The following ZNF346 variants were observed in gnomAD, a reference collection of about 807,000 sequenced individuals.
ZNF346 encodes double-stranded RNA-binding zinc finger protein JAZ.
ZNF346 carries 23 observed loss-of-function variants against 33.7 expected under a neutral mutation model. That is an observed-to-expected ratio of 0.68 (90% CI 0.49 to 0.97). The LOEUF is 0.97. ZNF346 is among the 50% of genes least tolerant of loss of function. The pLI is 0.00. For missense variants in ZNF346, 340 were observed against 371.1 expected (o/e 0.92, Z 0.69); for synonymous variants, 134 against 142.4 (o/e 0.94, Z 0.42).
At chr5:177,075,653 A>G (rs1019381750) in intron 8 of ZNF346, among the ~76,000 whole-genome samples, 7 of 151,870 alleles carry the variant, frequency 4.6e-5, no homozygotes, top group Non-Finnish European at 8.8e-5. Context: ...AGTAGCTGGA[A>G]CTACAGGCAT....
downstream of ZNF346, among the ~76,000 whole-genome samples, chr5:177,068,236 C>T (rs1783330698): frequency 1.4e-5 from 2 of 143,896 alleles, no homozygotes. Flanking sequence ...TGTTTATATT[C>T]CAAGTCCCTC....
intron 1 of ZNF346, among the ~76,000 whole-genome samples, chr5:177,027,586 CAAAA>C (rs1282201135): frequency 1.5e-5 from 1 of 64,642 alleles, no homozygotes; most frequent in Non-Finnish European, 3.7e-5. Flanking sequence ...GACTTTGTCT[CAAAA>C]AAAAAAAAAA....
At chr5:177,048,535 C>T (rs1304190960) in intron 4 of ZNF346, among the ~76,000 whole-genome samples, 6 of 152,016 alleles carry the variant, frequency 3.9e-5, no homozygotes, top group Admixed American at 2.6e-4. Context: ...GCAGGAGAAT[C>T]GCTTGAACCC....
downstream of ZNF346, among the ~76,000 whole-genome samples, chr5:177,068,689 G>A (rs1320229183): frequency 7.0e-6 from 1 of 142,946 alleles, no homozygotes; most frequent in Non-Finnish European, 1.5e-5. Context: ...GCCTAAAGCT[G>A]AGTCAGCTCC....
chr5:177,060,129 G>T (rs1486940043), intron 5 of ZNF346, among the ~76,000 whole-genome samples: 1 of 152,198 alleles, frequency 6.6e-6, no homozygotes, highest in African/African-American at 2.4e-5. Context: ...CTGCCAGTTT[G>T]AGCTTTACGG....
chr5:177,038,603 T>G (rs910926136), intron 1 of ZNF346, among the ~76,000 whole-genome samples: 2 of 151,908 alleles, frequency 1.3e-5, no homozygotes, highest in African/African-American at 4.8e-5. Flanking sequence ...TATATTTGTG[T>G]GGACTATGTG....
intron 5 of ZNF346, among the ~76,000 whole-genome samples, chr5:177,051,252 G>A (rs1469504665): frequency 7.3e-6 from 1 of 137,754 alleles, no homozygotes; most frequent in East Asian, 2.1e-4. Context: ...TCGGCTTACT[G>A]CAAGCTCCAC....
chr5:177,071,931 C>T (rs1783525169), downstream of ZNF346, among the ~76,000 whole-genome samples: 1 of 152,180 alleles, frequency 6.6e-6, no homozygotes, highest in South Asian at 2.1e-4. Context: ...GCTTACTGTT[C>T]ATATATGCTG....
At chr5:177,028,146 C>G (rs1186723746) in intron 1 of ZNF346, among the ~76,000 whole-genome samples, 3 of 138,362 alleles carry the variant, frequency 2.2e-5, no homozygotes, top group African/African-American at 8.2e-5. Flanking sequence ...AAGCAATTCT[C>G]CTGCCCCAGC....
chr5:177,073,717 C>T (rs954383199), intron 8 of ZNF346, among the ~76,000 whole-genome samples: 7 of 151,164 alleles, frequency 4.6e-5, no homozygotes, highest in Non-Finnish European at 1.0e-4. Context: ...AGTTGTGGAA[C>T]ACAGTTGATT....
At chr5:177,048,847 G>T (rs554987637) in intron 4 of ZNF346, among the ~76,000 whole-genome samples, 1 of 148,294 alleles carries the variant, frequency 6.7e-6, no homozygotes, top group Non-Finnish European at 1.5e-5. Context: ...GTGCAATGGC[G>T]CAATCTCAGC....
Position 177,064,926 on chromosome 5 carries a change from C to T in ZNF346, c.*327C>T, listed in dbSNP as rs148675773. ...GAGGCCCCTGCCACCTGTCTTTCCTCTAAAGGTCAGTTTTGGGCCAGTTCT... is the reference window on the plus strand; with the variant it reads ...GAGGCCCCTGCCACCTGTCTTTCCTTTAAAGGTCAGTTTTGGGCCAGTTCT... On this transcript the variant is annotated 3_prime_UTR_variant, in exon 7 of 7. Coordinates refer to ENST00000358149, the MANE Select transcript of ZNF346 (RefSeq NM_012279.4). 85 of 294,674 alleles carry T rather than the reference C, an allele frequency of 2.9e-4. No homozygotes were observed. In the East Asian group the frequency reaches 5.6e-3, roughly 19 times the overall value. 18.3% of individuals were successfully genotyped at this position (294,674 alleles called of 1,614,324 possible).
intron 1 of ZNF346, 67 bp from the exon 2 acceptor site, chr5:177,041,059 G>A (rs1581849358): frequency 2.4e-6 from 3 of 1,229,816 alleles, no homozygotes; most frequent in Non-Finnish European, 1.2e-6. Context: ...TTTGAGGCAG[G>A]GTTCAAAGGC....
At chr5:177,036,520 AG>A (rs1778537592) in intron 1 of ZNF346, among the ~76,000 whole-genome samples, 1 of 152,062 alleles carries the variant, frequency 6.6e-6, no homozygotes, top group Admixed American at 6.6e-5. Flanking sequence ...CCTTCCCACG[AG>A]GTCCTTTTGC....
chr5:177,026,130 G>T (rs962110890), intron 1 of ZNF346, among the ~76,000 whole-genome samples: 2 of 151,600 alleles, frequency 1.3e-5, no homozygotes, highest in African/African-American at 4.8e-5. Flanking sequence ...TCAGCGTCCC[G>T]AGTAGCTGGG....
chr5:177,071,895 AC>A (rs1026205564), downstream of ZNF346, among the ~76,000 whole-genome samples: 6 of 151,894 alleles, frequency 4.0e-5, no homozygotes, highest in African/African-American at 1.5e-4. Flanking sequence ...GACAGGGCAG[AC>A]CCGTCCCCGG....
At chr5:177,073,280 G>T (rs1783591734) in intron 8 of ZNF346, among the ~76,000 whole-genome samples, 1 of 152,162 alleles carries the variant, frequency 6.6e-6, no homozygotes, top group African/African-American at 2.4e-5. Flanking sequence ...AGGGACCATT[G>T]CTGGGATTTC....
intron 8 of ZNF346, among the ~76,000 whole-genome samples, chr5:177,076,837 T>G (rs1039491281): frequency 2.6e-5 from 4 of 152,144 alleles, no homozygotes; most frequent in African/African-American, 9.7e-5. Context: ...GGTCAGGAGT[T>G]TGAGACCATC....
chr5:177,030,647 C>T (rs1263038658), intron 1 of ZNF346, among the ~76,000 whole-genome samples: 1 of 151,906 alleles, frequency 6.6e-6, no homozygotes, highest in Non-Finnish European at 1.5e-5. Context: ...GTAAATCTCA[C>T]ATTCCATAAA....
Sources: allele counts gnomAD v4.1 joint callset (sites outside exome capture counted in the v4.1 genomes callset), GRCh38; gene constraint gnomAD v4.1.1; transcripts MANE v1.5; gene names NCBI Gene and HGNC (gene_info 2026-07-23, HGNC 2026-07-21).